The following NRG3 variants were observed in gnomAD, a reference collection of about 807,000 sequenced individuals.
The protein encoded by NRG3 is pro-neuregulin-3, membrane-bound isoform.
In NRG3, 31 loss-of-function variants were observed where a neutral mutation model predicts 66.9. The observed-to-expected ratio is 0.46, with a 90% CI of 0.35 to 0.63. The LOEUF is 0.63. Among genes scored for constraint, NRG3 ranks in the 20% least tolerant of loss-of-function variants. The pLI, the probability that NRG3 is intolerant of heterozygous loss-of-function variation, is 0.00. For missense variants in NRG3, 910 were observed against 878.9 expected (o/e 1.04, Z -0.45); for synonymous variants, 393 against 359.4 (o/e 1.09, Z -1.06).
In NRG3 at chr10:82,232,663, T is replaced by G. The variant is rs2076541028; in HGVS notation, c.824-126076T>G. The G allele has an allele frequency of 4.3e-6, 3 of 694,294 alleles. No individual in the cohort carries two copies. The Admixed American group carries it at 6.4e-5, about 15-fold the overall frequency. The allele number at this position is 694,294 out of a possible 1,614,324, so 43.0% of individuals were successfully genotyped here. A position where few individuals can be genotyped will look rare whatever the true frequency, so the allele number is the denominator to read the frequency against. On this transcript the variant is annotated intron_variant, in intron 1 of 8. Coordinates refer to ENST00000372141, the MANE Select transcript of NRG3 (RefSeq NM_001010848.4). ...TCAGAAATTTTGTTTTGTATACATT[T>G]ATGAGACAATCGGCCAGATGGGGCT...
At chr10:82,432,630 A>G (rs547428431) in intron 2 of NRG3, among the ~76,000 whole-genome samples, 110 of 151,840 alleles carry the variant, frequency 7.2e-4, no homozygotes, top group African/African-American at 2.5e-3. Flanking sequence ...ACACCCTCCA[A>G]TAGGCCTTGT....
At chr10:82,294,434 A>AGT (rs35072007) in intron 1 of NRG3, among the ~76,000 whole-genome samples, 11,382 of 149,050 alleles carry the variant, frequency 0.076, 517 homozygotes, top group Non-Finnish European at 0.11. Context: ...CTACTGATGA[A>AGT]GTGTGTGTGT....
intron 2 of NRG3, among the ~76,000 whole-genome samples, chr10:82,683,014 A>G (rs1336262979): frequency 3.3e-5 from 4 of 121,204 alleles, no homozygotes; most frequent in African/African-American, 1.3e-4. Context: ...GCTGGAGTGC[A>G]GTGGCACGAT....
intron 4 of NRG3, among the ~76,000 whole-genome samples, chr10:82,929,801 G>T (rs1302694224): frequency 3.3e-5 from 5 of 151,514 alleles, no homozygotes; most frequent in Admixed American, 6.6e-5. Context: ...GCTTGAAGGT[G>T]GGAGGCAGAG....
At chr10:82,613,039 T>A (rs967752180) in intron 2 of NRG3, among the ~76,000 whole-genome samples, 1 of 152,182 alleles carries the variant, frequency 6.6e-6, no homozygotes, top group Non-Finnish European at 1.5e-5. Context: ...AGTTAATAGT[T>A]TGAGAAGTAG....
At chr10:82,036,541 T>A (rs1456170166) in intron 1 of NRG3, among the ~76,000 whole-genome samples, 1 of 152,154 alleles carries the variant, frequency 6.6e-6, no homozygotes, top group Admixed American at 6.5e-5. Flanking sequence ...TGTTATATGA[T>A]GCTAAAATAA....
chr10:81,972,018 G>T (rs549221770), intron 1 of NRG3, among the ~76,000 whole-genome samples: 43 of 152,222 alleles, frequency 2.8e-4, no homozygotes, highest in Admixed American at 2.1e-3. Flanking sequence ...CTCACACTGG[G>T]CCAGGGATAG....
rs375731607 is a variant in NRG3, at chr10:82,954,280, A to G, written c.1157+2709A>G. ...TGTGTAGTTGTACCACATTTAAATG[A>G]AAGACAGATCATGGTAATTATGAAA... On this transcript the variant is annotated intron_variant, in intron 5 of 8. Coordinates refer to ENST00000372141, the MANE Select transcript of NRG3 (RefSeq NM_001010848.4). 2.4e-4 allele frequency among the ~76,000 whole-genome samples: 37 copies of G among 152,114 alleles called. 1 individual carries two copies. The South Asian group carries it at 3.9e-3, about 16-fold the overall frequency.
chr10:82,952,287 G>T (rs1439125868), intron 5 of NRG3, among the ~76,000 whole-genome samples: 1 of 152,030 alleles, frequency 6.6e-6, no homozygotes, highest in Non-Finnish European at 1.5e-5. Flanking sequence ...ACAAAAATTA[G>T]TTGGGCATGG....
intron 3 of NRG3, among the ~76,000 whole-genome samples, chr10:82,767,598 A>G (rs992515466): frequency 1.3e-5 from 2 of 151,836 alleles, no homozygotes; most frequent in African/African-American, 2.4e-5. Context: ...TTGGTTGGCT[A>G]TTGGATCTCC....
intron 3 of NRG3, among the ~76,000 whole-genome samples, chr10:82,826,828 G>A (rs942902318): frequency 2.6e-5 from 4 of 151,774 alleles, no homozygotes; most frequent in African/African-American, 9.7e-5. Context: ...ACCTGGGAGA[G>A]GACATACCTT....
chr10:82,810,210 T>C (rs781027800), intron 3 of NRG3, among the ~76,000 whole-genome samples: 4 of 152,164 alleles, frequency 2.6e-5, no homozygotes, highest in Non-Finnish European at 4.4e-5. Context: ...CATGTCTTGT[T>C]TAAAAGTAGC....
chr10:82,194,244 A>G (rs1003986150), intron 1 of NRG3, among the ~76,000 whole-genome samples: 1 of 152,134 alleles, frequency 6.6e-6, no homozygotes, highest in Non-Finnish European at 1.5e-5. Context: ...AGGTGAGGAA[A>G]TGAAGACAGC....
At chr10:82,079,130 C>T (rs142930205) in intron 1 of NRG3, among the ~76,000 whole-genome samples, 20 of 151,884 alleles carry the variant, frequency 1.3e-4, no homozygotes, top group Non-Finnish European at 2.8e-4. Flanking sequence ...CTGCAACCTC[C>T]GCCTCCCGGG....
At chr10:81,879,537 T>A (rs1175905468) in intron 1 of NRG3, among the ~76,000 whole-genome samples, 1 of 152,212 alleles carries the variant, frequency 6.6e-6, no homozygotes, top group Non-Finnish European at 1.5e-5. Flanking sequence ...TAAATTCAAA[T>A]ACTAAAGACA....
chr10:82,308,368 C>T (rs537907571), intron 1 of NRG3, among the ~76,000 whole-genome samples: 1 of 152,248 alleles, frequency 6.6e-6, no homozygotes, highest in African/African-American at 2.4e-5. Context: ...GGATTACAGG[C>T]ATGAGCCACC....
At chr10:82,259,212 T>C (rs1034100855) in intron 1 of NRG3, among the ~76,000 whole-genome samples, 1 of 152,196 alleles carries the variant, frequency 6.6e-6, no homozygotes, top group Non-Finnish European at 1.5e-5. Context: ...TTGTTATCTT[T>C]TTCACTTCAG....
chr10:82,234,459 G>A (rs1052865713), intron 1 of NRG3, among the ~76,000 whole-genome samples: 3 of 152,116 alleles, frequency 2.0e-5, no homozygotes, highest in Non-Finnish European at 4.4e-5. Flanking sequence ...TCATCTGGAC[G>A]TTATGTTCCA....
At chr10:82,052,488 A>T (rs565750540) in intron 1 of NRG3, among the ~76,000 whole-genome samples, 1 of 152,294 alleles carries the variant, frequency 6.6e-6, no homozygotes, top group Admixed American at 6.5e-5. Flanking sequence ...CACAGACTGT[A>T]ATTACCTCTG....
Sources: allele counts gnomAD v4.1 joint callset (sites outside exome capture counted in the v4.1 genomes callset), GRCh38; gene constraint gnomAD v4.1.1; transcripts MANE v1.5; gene names NCBI Gene and HGNC (gene_info 2026-07-23, HGNC 2026-07-21).